The following MYH10 variants were observed in gnomAD, a reference collection of about 807,000 sequenced individuals.
MYH10 encodes myosin heavy chain 10.
In MYH10, 55 loss-of-function variants were observed where a neutral mutation model predicts 257.8. The ratio of observed to expected loss-of-function variants is 0.21; its 90% CI spans 0.17 to 0.27. The LOEUF (loss-of-function observed/expected upper bound fraction) is 0.27, where lower values mean the gene tolerates loss of function less well. Among genes scored for constraint, MYH10 ranks in the 10% least tolerant of loss-of-function variants. MYH10 has a pLI of 1.00. For missense variants in MYH10, 1,631 were observed against 2,500.6 expected, an observed-to-expected ratio of 0.65 and a Z score of 7.42; for synonymous variants, 854 against 921.7, an observed-to-expected ratio of 0.93 and a Z score of 1.33.
intron 1 of MYH10, among the ~76,000 whole-genome samples, chr17:8,626,624 T>A (rs535044090): frequency 2.8e-5 from 4 of 144,028 alleles, no homozygotes; most frequent in Admixed American, 2.1e-4. Context: ...AAATAAAAAA[T>A]TTAAAAAAAA....
At chr17:8,582,956 G>T (rs764611252) in intron 4 of MYH10, among the ~76,000 whole-genome samples, 1 of 152,160 alleles carries the variant, frequency 6.6e-6, no homozygotes, top group Non-Finnish European at 1.5e-5. Flanking sequence ...AAAAACACCA[G>T]ATACATATTA....
At chr17:8,626,626 T>A (rs556530114) in intron 1 of MYH10, among the ~76,000 whole-genome samples, 15 of 145,024 alleles carry the variant, frequency 1.0e-4, no homozygotes, top group Admixed American at 3.4e-4. Context: ...ATAAAAAATT[T>A]AAAAAAAAAG....
chr17:8,554,845 C>T (rs1441107454), intron 7 of MYH10, among the ~76,000 whole-genome samples: 2 of 152,146 alleles, frequency 1.3e-5, no homozygotes, highest in Admixed American at 6.5e-5. Flanking sequence ...CCCAGCTACT[C>T]GGGAGGCAGA....
rs2083274993 is a variant in MYH10 at position 8,569,609 on chromosome 17, AT to A, written c.756+110del. On this transcript the variant is annotated intron_variant, in intron 7 of 42. Coordinates refer to ENST00000360416, the MANE Select transcript of MYH10 (RefSeq NM_001256012.3). The surrounding 1 kb of genome is among the most constrained non-coding windows in gnomAD (Gnocchi z 4.1). ...GCTTGTATTATGTCTACAGAACTAC[AT>A]CTATTAGCTTCTTAAAATCTAGGAA... 1.4e-6 allele frequency: 1 copy of A among 727,396 alleles called. No individual in the cohort carries two copies. Among genetic ancestry groups the A allele is most frequent in the African/African-American group, 1.8e-5 (1 of 55,690 alleles). 45.1% of individuals were successfully genotyped at this position (727,396 alleles called of 1,614,324 possible). A position where few individuals can be genotyped will look rare whatever the true frequency, so the allele number is the denominator to read the frequency against.
At chr17:8,497,792 A>G (rs1916885526) in intron 30 of MYH10, among the ~76,000 whole-genome samples, 1 of 148,702 alleles carries the variant, frequency 6.7e-6, no homozygotes. Flanking sequence ...CTGCATGTGC[A>G]CTGACCATGT....
At position 8,599,861 on chromosome 17, in the gene MYH10, T is replaced by C. The variant is rs141535279; in HGVS notation, c.502+4965A>G. Among the ~76,000 whole-genome samples the C allele has an allele frequency of 2.1e-3, 323 of 152,316 alleles. 4 individuals are homozygous for C. The highest frequency in any genetic ancestry group is 0.019 in the Admixed American group (290 of 15,304). ...TGAAGGACTAGGTAAGACCAGCCTT[T>C]GACAGGAGTAGACACAAGAGATAAT... On this transcript the variant is annotated intron_variant, in intron 3 of 42. Coordinates refer to ENST00000360416, the MANE Select transcript of MYH10 (RefSeq NM_001256012.3).
intron 40 of MYH10, 83 bp downstream of exon 40, chr17:8,480,027 C>CT (rs1913419803): frequency 3.1e-6 from 4 of 1,299,366 alleles, no homozygotes; most frequent in Middle Eastern, 1.9e-4. Context: ...TGGTGGGGAG[C>CT]CCCCCCGAAA....
chr17:8,558,040 AT>A (rs2082865614), intron 7 of MYH10, among the ~76,000 whole-genome samples: 1 of 152,150 alleles, frequency 6.6e-6, no homozygotes, highest in Non-Finnish European at 1.5e-5. Flanking sequence ...AGCATTTAGT[AT>A]TTTTCTTCTA....
At chr17:8,511,681 G>A (rs553640192) in intron 24 of MYH10, among the ~76,000 whole-genome samples, 1 of 152,258 alleles carries the variant, frequency 6.6e-6, no homozygotes, top group African/African-American at 2.4e-5. Flanking sequence ...CAAAAAATGA[G>A]TGTTTTCTTG....
Position 8,552,052 on chromosome 17 carries a change from G to C in MYH10, c.913C>G (p.Leu305Val), listed in dbSNP as rs760472918. 11 of 1,507,840 alleles carry C rather than the reference G, an allele frequency of 7.3e-6. No homozygotes were observed. Among genetic ancestry groups the C allele is most frequent in the Non-Finnish European group, 9.9e-6 (11 of 1,113,714 alleles). The allele number at this position is 1,507,840 out of a possible 1,614,324, so 93.4% of individuals were successfully genotyped here. A position where few individuals can be genotyped will look rare whatever the true frequency, so the allele number is the denominator to read the frequency against. The stretch of plus-strand genomic sequence containing the variant: ...AAAAACCTTTGTAACTTACACTTTA[G>C]GTGTTCTCCTGCTCCAGATAACAAC... ...YQLLSGAGEH[L>V]KSDLLLEGFN... The change falls in exon 9 of 43, where the codon CTA becomes GTA. Residue 305 changes from leucine to valine, a missense_variant. This residue lies in a region of MYH10 where 360 missense variants were observed against 581.9 expected (regional missense o/e 0.62). Coordinates refer to ENST00000360416, the MANE Select transcript of MYH10 (RefSeq NM_001256012.3). This position sits in a 1 kb window ranked among gnomAD's most constrained non-coding sequence, Gnocchi z 4.8.
chr17:8,574,839 G>T, intron 6 of MYH10, among the ~76,000 whole-genome samples: 1 of 152,190 alleles, frequency 6.6e-6, no homozygotes, highest in East Asian at 1.9e-4. Context: ...TGAAGAAGTC[G>T]CAGACAGGGA....
In MYH10 at chr17:8,535,739, T is replaced by A. The variant is rs779113598; in HGVS notation, c.1779+19A>T. ...AACACAGCCATTTTAATCCAGTTATTCAACATAAGAGCTCTTACCTTCCCT... is the reference window on the plus strand; with the variant it reads ...AACACAGCCATTTTAATCCAGTTATACAACATAAGAGCTCTTACCTTCCCT... On this transcript the variant is annotated intron_variant, in intron 15 of 42. Transcript: ENST00000360416. This position sits in a 1 kb window ranked among gnomAD's most constrained non-coding sequence, Gnocchi z 4.3. 20 of 1,600,872 alleles carry A rather than the reference T, an allele frequency of 1.2e-5. No homozygotes were observed. The South Asian group carries it at 2.2e-4, about 18-fold the overall frequency.
At chr17:8,627,526 G>C (rs1372851796) in intron 1 of MYH10, among the ~76,000 whole-genome samples, 1 of 152,164 alleles carries the variant, frequency 6.6e-6, no homozygotes, top group Non-Finnish European at 1.5e-5. Context: ...CGTTGTACCA[G>C]AGGGCTTTGC....
intron 37 of MYH10, among the ~76,000 whole-genome samples, chr17:8,482,776 A>T (rs1914062988): frequency 1.3e-5 from 2 of 152,226 alleles, no homozygotes; most frequent in South Asian, 4.1e-4. Context: ...TTCAGAAAAA[A>T]CAGTGTGGTA....
intron 35 of MYH10, among the ~76,000 whole-genome samples, chr17:8,488,642 T>G (rs1429311377): frequency 6.6e-6 from 1 of 152,188 alleles, no homozygotes; most frequent in Non-Finnish European, 1.5e-5. Context: ...TGGGAGCTGG[T>G]ATGGAGGCAC....
At chr17:8,585,286 G>GTATATATATATATATATATATATA (rs71361807) in intron 4 of MYH10, among the ~76,000 whole-genome samples, 3,652 of 83,682 alleles carry the variant, frequency 0.044, 310 homozygotes, top group East Asian at 0.082. Flanking sequence ...ATGTGTGTGT[G>GTATATATATATATATATATATATA]TGTATATATA....
At chr17:8,534,026 CAA>C (rs2082075064) in intron 16 of MYH10, among the ~76,000 whole-genome samples, 1 of 152,192 alleles carries the variant, frequency 6.6e-6, no homozygotes, top group Admixed American at 6.5e-5. Context: ...GACCCCGTAA[CAA>C]CAACCTGAGC....
At chr17:8,500,452 G>T (rs761199842) in intron 29 of MYH10, among the ~76,000 whole-genome samples, 2 of 152,254 alleles carry the variant, frequency 1.3e-5, no homozygotes, top group Non-Finnish European at 2.9e-5. Context: ...AGGAACCCCT[G>T]AAGGGGAACA....
intron 2 of MYH10, among the ~76,000 whole-genome samples, chr17:8,621,989 A>G (rs143064833): frequency 6.6e-6 from 1 of 152,310 alleles, no homozygotes; most frequent in African/African-American, 2.4e-5. Flanking sequence ...GGTGCTTAAT[A>G]AATATTCCTT....
Sources: allele counts gnomAD v4.1 joint callset (sites outside exome capture counted in the v4.1 genomes callset), GRCh38; gene constraint gnomAD v4.1.1; regional missense constraint gnomAD v4.1.1; non-coding constraint Gnocchi (gnomAD v3.1); transcripts MANE v1.5; gene names NCBI Gene and HGNC (gene_info 2026-07-23, HGNC 2026-07-21).